Variants in NXPH1 observed in about 807,000 individuals in gnomAD.
NXPH1 encodes neurexophilin 1.
NXPH1 carries 5 observed loss-of-function variants against 23.7 expected under a neutral mutation model. The ratio of observed to expected loss-of-function variants is 0.21; its 90% CI spans 0.11 to 0.44. The LOEUF (loss-of-function observed/expected upper bound fraction) is 0.44. Among genes scored for constraint, NXPH1 ranks in the 20% least tolerant of loss-of-function variants. The probability of loss-of-function intolerance (pLI) is 0.99; values close to 1 mark genes in which losing one functional copy is unlikely to be tolerated. For synonymous variants in NXPH1, 144 were observed against 122.2 expected, an observed-to-expected ratio of 1.18 and a Z score of -1.18; for missense variants, 324 against 321.6, an observed-to-expected ratio of 1.01 and a Z score of -0.06.
At chr7:8,658,897 A>C (rs193061978) in intron 2 of NXPH1, among the ~76,000 whole-genome samples, 9 of 152,212 alleles carry the variant, frequency 5.9e-5, no homozygotes, top group South Asian at 2.1e-4. Flanking sequence ...AGAAATAATG[A>C]ATTATATGCG....
intron 2 of NXPH1, among the ~76,000 whole-genome samples, chr7:8,502,565 G>C (rs892756186): frequency 2.6e-5 from 4 of 151,798 alleles, no homozygotes; most frequent in South Asian, 2.1e-4. Flanking sequence ...TTAGTGGTGT[G>C]ACAAGGGATT....
intron 2 of NXPH1, among the ~76,000 whole-genome samples, chr7:8,488,281 A>G (rs1240615202): frequency 6.7e-6 from 1 of 148,488 alleles, no homozygotes; most frequent in Non-Finnish European, 1.5e-5. Context: ...TACATACTAC[A>G]TCTTACATAC....
At chr7:8,623,310 A>G (rs1399723677) in intron 2 of NXPH1, among the ~76,000 whole-genome samples, 5 of 152,132 alleles carry the variant, frequency 3.3e-5, no homozygotes, top group Non-Finnish European at 7.4e-5. Flanking sequence ...ATTGGATGAA[A>G]TAACTAACAC....
At chr7:8,618,752 T>TA (rs1819800221) in intron 2 of NXPH1, among the ~76,000 whole-genome samples, 1 of 152,232 alleles carries the variant, frequency 6.6e-6, no homozygotes, top group Non-Finnish European at 1.5e-5. Flanking sequence ...ACAAGATATT[T>TA]AATCCAATAT....
intron 2 of NXPH1, among the ~76,000 whole-genome samples, chr7:8,527,056 A>T (rs1287679600): frequency 6.6e-6 from 1 of 152,214 alleles, no homozygotes; most frequent in Non-Finnish European, 1.5e-5. Flanking sequence ...TACCAAAAAA[A>T]AAATGGGTAG....
At chr7:8,524,560 A>T (rs1268194477) in intron 2 of NXPH1, among the ~76,000 whole-genome samples, 1 of 152,168 alleles carries the variant, frequency 6.6e-6, no homozygotes, top group Non-Finnish European at 1.5e-5. Context: ...GTTTAAAATG[A>T]CAATGCCAAG....
intron 2 of NXPH1, among the ~76,000 whole-genome samples, chr7:8,703,441 A>AT (rs1562459497): frequency 6.6e-6 from 1 of 152,112 alleles, no homozygotes; most frequent in Admixed American, 6.6e-5. Context: ...AAAATCCTGC[A>AT]TAATGGTATG....
chr7:8,560,000 A>G (rs1464566492), intron 2 of NXPH1, among the ~76,000 whole-genome samples: 2 of 151,728 alleles, frequency 1.3e-5, no homozygotes, highest in East Asian at 3.9e-4. Context: ...CGGTAGAGCC[A>G]TGCATTTGCC....
At chr7:8,697,576 CT>C (rs951150624) in intron 2 of NXPH1, among the ~76,000 whole-genome samples, 31 of 152,142 alleles carry the variant, frequency 2.0e-4, no homozygotes, top group African/African-American at 5.5e-4. Flanking sequence ...TGGTGTGTCT[CT>C]TTTTTTGTAA....
chr7:8,435,544 G>T lies in NXPH1; in HGVS notation c.-110-60G>T. 3.5e-6 allele frequency: 2 copies of T among 578,932 alleles called. No homozygotes were observed. Among genetic ancestry groups the T allele is most frequent in the Non-Finnish European group, 3.1e-6 (1 of 318,570 alleles). The allele number at this position is 578,932 out of a possible 1,614,324, so 35.9% of individuals were successfully genotyped here. A position where few individuals can be genotyped will look rare whatever the true frequency, so the allele number is the denominator to read the frequency against. On this transcript the variant is annotated intron_variant, in intron 1 of 2. Coordinates refer to ENST00000405863, the MANE Select transcript of NXPH1 (RefSeq NM_152745.3). This position sits in a 1 kb window ranked among gnomAD's most constrained non-coding sequence, Gnocchi z 5.9. ...CCGCTACGACCCCCTTTCCCCGCTT[G>T]ATTGTCAAGCCTAACCTTGCCCGCG... is the stretch of plus-strand genomic sequence containing the variant.
intron 2 of NXPH1, among the ~76,000 whole-genome samples, chr7:8,717,712 T>C (rs1321923498): frequency 6.6e-6 from 1 of 152,324 alleles, no homozygotes; most frequent in East Asian, 1.9e-4. Context: ...CTGCTACATA[T>C]GTGGTAAGCT....
intron 2 of NXPH1, among the ~76,000 whole-genome samples, chr7:8,505,470 T>G (rs970547670): frequency 1.3e-5 from 2 of 151,994 alleles, no homozygotes; most frequent in Non-Finnish European, 2.9e-5. Context: ...AAATAAATAA[T>G]AGACCTCAAC....
intron 2 of NXPH1, among the ~76,000 whole-genome samples, chr7:8,738,606 A>C (rs1780303836): frequency 6.6e-6 from 1 of 152,050 alleles, no homozygotes; most frequent in Non-Finnish European, 1.5e-5. Context: ...GGAGTGAGGG[A>C]CCCACTTGAG....
In NXPH1 at chr7:8,655,498, ACACG is replaced by A. The variant is rs1409114010; in HGVS notation, c.55-95506_55-95503del. The stretch of plus-strand genomic sequence containing the variant: ...CACACACACATCAGATATGTCCATC[ACACG>A]CACACACACACACGCACACATGCTT... On this transcript the variant is annotated intron_variant, in intron 2 of 2. Transcript: ENST00000405863. Among the ~76,000 whole-genome samples the A allele has an allele frequency of 9.8e-3, 154 of 15,718 alleles. 2 individuals carry two copies. Among genetic ancestry groups the A allele is most frequent in the African/African-American group, 0.02 (146 of 7,354 alleles). The allele number at this position is 15,718 out of a possible 152,430, so 10.3% of individuals were successfully genotyped here. A position where few individuals can be genotyped will look rare whatever the true frequency, so the allele number is the denominator to read the frequency against.
intron 2 of NXPH1, among the ~76,000 whole-genome samples, chr7:8,535,204 C>T (rs1449450499): frequency 6.6e-6 from 1 of 151,944 alleles, no homozygotes; most frequent in African/African-American, 2.4e-5. Context: ...GGTAGTAGTC[C>T]TATCTTTGAC....
intron 2 of NXPH1, among the ~76,000 whole-genome samples, chr7:8,470,312 A>G (rs1300928819): frequency 6.6e-6 from 1 of 152,186 alleles, no homozygotes; most frequent in African/African-American, 2.4e-5. Flanking sequence ...TGATGTTAAT[A>G]CATGTCAACC....
chr7:8,681,520 C>T (rs757716355), intron 2 of NXPH1, among the ~76,000 whole-genome samples: 77 of 152,156 alleles, frequency 5.1e-4, no homozygotes, highest in Middle Eastern at 3.4e-3. Context: ...ACTGCCCTGA[C>T]GTTTGCTGCA....
intron 2 of NXPH1, among the ~76,000 whole-genome samples, chr7:8,508,492 G>A (rs150689834): frequency 1.2e-3 from 185 of 152,238 alleles, no homozygotes; most frequent in African/African-American, 4.0e-3. Flanking sequence ...TTCAGTGAAA[G>A]CTATATTATC....
At chr7:8,690,513 AG>A (rs1821206939) in intron 2 of NXPH1, among the ~76,000 whole-genome samples, 1 of 152,216 alleles carries the variant, frequency 6.6e-6, no homozygotes, top group Non-Finnish European at 1.5e-5. Context: ...ATTTCAAGCA[AG>A]AAATAAGAAT....
Sources: gnomAD v4.1 joint callset for allele counts (sites outside exome capture counted in the v4.1 genomes callset) on GRCh38, gnomAD v4.1.1 for gene constraint, Gnocchi (gnomAD v3.1) non-coding constraint, MANE v1.5 for transcripts, NCBI Gene and HGNC (gene_info 2026-07-23, HGNC 2026-07-21) for gene names.